Variants in PTCSC3 observed in about 807,000 individuals in gnomAD.
The protein encoded by PTCSC3 is papillary thyroid carcinoma susceptibility candidate 3 (non-protein coding).
At chr14:36,163,677 A>C (rs1214115548) in intron 1 of PTCSC3, among the ~76,000 whole-genome samples, 1 of 152,196 alleles carries the variant, frequency 6.6e-6, no homozygotes, top group Non-Finnish European at 1.5e-5. Context: ...TTCTATTGTG[A>C]ATGTTTTGTG....
chr14:36,162,868 T>C (rs910286328), intron 1 of PTCSC3, among the ~76,000 whole-genome samples: 7 of 152,192 alleles, frequency 4.6e-5, no homozygotes, highest in Non-Finnish European at 2.9e-5. Context: ...CCTCCAGGTA[T>C]TGACTTGAGA....
intron 3 of PTCSC3, among the ~76,000 whole-genome samples, chr14:36,147,340 T>C (rs1881599990): frequency 6.6e-6 from 1 of 152,212 alleles, no homozygotes. Flanking sequence ...AGTCCCATAT[T>C]TCTTGGAGGC....
At chr14:36,139,662 G>C (rs1157235030) in intron 3 of PTCSC3, among the ~76,000 whole-genome samples, 1 of 152,114 alleles carries the variant, frequency 6.6e-6, no homozygotes, top group Non-Finnish European at 1.5e-5. Context: ...TTTTATGTGG[G>C]TTAAAAATTA....
At chr14:36,170,780 A>G (rs971309674) in intron 1 of PTCSC3, among the ~76,000 whole-genome samples, 2 of 152,032 alleles carry the variant, frequency 1.3e-5, no homozygotes, top group Non-Finnish European at 2.9e-5. Context: ...CAAGTGACCT[A>G]TTTGTTGGAC....
chr14:36,137,995 A>T (rs1881328313), intron 3 of PTCSC3, among the ~76,000 whole-genome samples: 1 of 152,186 alleles, frequency 6.6e-6, no homozygotes, highest in South Asian at 2.1e-4. Flanking sequence ...AGTGAAGTAG[A>T]GAAGAGGCTT....
rs1433622549 is a variant in PTCSC3, at chr14:36,162,209, G to C, written n.231+415C>G. On this transcript the variant is annotated intron_variant and non_coding_transcript_variant, in intron 2 of 3. Coordinates refer to ENST00000556013, the Ensembl canonical transcript of PTCSC3. The stretch of plus-strand genomic sequence containing the variant: ...CCCTGGCTTCAGCCCTCTTTCCAGG[G>C]GAGTGAACAGTTCTGTCTCACTGGC... 2.0e-5 allele frequency among the ~76,000 whole-genome samples: 3 copies of C among 147,452 alleles called. No homozygotes were observed. In the East Asian group the frequency reaches 6.0e-4, roughly 30 times the overall value.
chr14:36,176,195 G>C (rs1263712605), intron 1 of PTCSC3: 7 of 151,980 alleles, frequency 4.6e-5, no homozygotes, highest in Admixed American at 4.6e-4. Context: ...TATACCTTTG[G>C]GTGAAACATC....
chr14:36,152,648 T>C (rs1006782413), intron 3 of PTCSC3, among the ~76,000 whole-genome samples: 7 of 152,060 alleles, frequency 4.6e-5, no homozygotes, highest in Admixed American at 2.6e-4. Flanking sequence ...ATCTCAGCAC[T>C]TTGGGAGGTC....
chr14:36,158,203 A>G (rs553676745), intron 2 of PTCSC3, among the ~76,000 whole-genome samples: 2 of 152,280 alleles, frequency 1.3e-5, no homozygotes, highest in Admixed American at 6.5e-5. Context: ...CTGCAAACAG[A>G]GACAATTTGA....
In PTCSC3 at chr14:36,149,325, C is replaced by A. The variant is rs147366882; in HGVS notation, n.322+4479G>T. On this transcript the variant is annotated intron_variant and non_coding_transcript_variant, in intron 3 of 3. Coordinates refer to ENST00000556013, the Ensembl canonical transcript of PTCSC3. ...ATTTTTATTGATTTCTATTTTAATT[C>A]AATTGTGGTCTAAGAGCATACTTTG... Among the ~76,000 whole-genome samples, 204 of 151,982 alleles carry A rather than the reference C, an allele frequency of 1.3e-3. 2 individuals carry two copies. Among genetic ancestry groups the A allele is most frequent in the African/African-American group, 4.8e-3 (200 of 41,460 alleles).
chr14:36,168,015 G>A (rs188674248), intron 1 of PTCSC3, among the ~76,000 whole-genome samples: 21 of 152,018 alleles, frequency 1.4e-4, no homozygotes, highest in African/African-American at 4.6e-4. Context: ...TGGCCTGCAC[G>A]TTCCCAGGCA....
chr14:36,149,979 C>A (rs186729547), intron 3 of PTCSC3, among the ~76,000 whole-genome samples: 35 of 152,274 alleles, frequency 2.3e-4, no homozygotes, highest in African/African-American at 7.7e-4. Context: ...CTCCAGTGAG[C>A]ATTTCCTTTG....
chr14:36,174,613 A>ATTACT (rs1882249671), intron 1 of PTCSC3, among the ~76,000 whole-genome samples: 1 of 151,970 alleles, frequency 6.6e-6, no homozygotes, highest in African/African-American at 2.4e-5. Context: ...TTAATGGCTT[A>ATTACT]TTACTTTAAC....
At chr14:36,161,334 T>A (rs758066373) in intron 2 of PTCSC3, among the ~76,000 whole-genome samples, 1 of 152,242 alleles carries the variant, frequency 6.6e-6, no homozygotes, top group Non-Finnish European at 1.5e-5. Context: ...CTTTTTGTGC[T>A]GGTTTTTCCT....
intron 2 of PTCSC3, among the ~76,000 whole-genome samples, chr14:36,162,082 T>G (rs764230116): frequency 6.6e-6 from 1 of 151,844 alleles, no homozygotes; most frequent in Non-Finnish European, 1.5e-5. Context: ...GTGTCCCAGG[T>G]CAACTTCAGA....
chr14:36,154,387 C>G (rs1881787101), intron 2 of PTCSC3, among the ~76,000 whole-genome samples: 1 of 152,090 alleles, frequency 6.6e-6, no homozygotes, highest in African/African-American at 2.4e-5. Context: ...AAATTATGCA[C>G]ACATTATCAC....
At chr14:36,150,754 A>G (rs1234483988) in intron 3 of PTCSC3, among the ~76,000 whole-genome samples, 1 of 152,200 alleles carries the variant, frequency 6.6e-6, no homozygotes, top group Non-Finnish European at 1.5e-5. Context: ...TAAGTTCACT[A>G]TCAAATAATA....
chr14:36,169,395 T>G (rs1278610617), intron 1 of PTCSC3, among the ~76,000 whole-genome samples: 3 of 152,212 alleles, frequency 2.0e-5, no homozygotes, highest in Non-Finnish European at 4.4e-5. Context: ...TGGTTGTGTG[T>G]GTATCTGTGT....
At chr14:36,150,473 A>T (rs1428776348) in intron 3 of PTCSC3, among the ~76,000 whole-genome samples, 2 of 152,134 alleles carry the variant, frequency 1.3e-5, no homozygotes, top group East Asian at 3.9e-4. Context: ...TAAGAAATAA[A>T]CTTCTGTTTT....
Sources: gnomAD v4.1 joint callset for allele counts (sites outside exome capture counted in the v4.1 genomes callset) on GRCh38, gnomAD v4.1.1 for gene constraint, MANE v1.5 for transcripts, NCBI Gene and HGNC (gene_info 2026-07-23, HGNC 2026-07-21) for gene names.